The following SLC23A2 variants were observed in gnomAD, a reference collection of about 807,000 sequenced individuals.
The protein encoded by SLC23A2 is solute carrier family 23 member 2.
A neutral mutation model predicts 73.3 loss-of-function variants in SLC23A2; 36 were observed. The ratio of observed to expected loss-of-function variants is 0.49; its 90% CI spans 0.38 to 0.65. SLC23A2 has a LOEUF of 0.65. SLC23A2 is among the 30% of genes least tolerant of loss of function. The pLI, the probability that SLC23A2 is intolerant of heterozygous loss-of-function variation, is 0.00. For synonymous variants in SLC23A2, 343 were observed against 327.3 expected, an observed-to-expected ratio of 1.05 and a Z score of -0.52; for missense variants, 507 against 841.6, an observed-to-expected ratio of 0.60 and a Z score of 4.92.
intron 2 of SLC23A2, among the ~76,000 whole-genome samples, chr20:4,937,269 G>A (rs2086974609): frequency 1.3e-5 from 2 of 152,166 alleles, no homozygotes; most frequent in Admixed American, 1.3e-4. Context: ...ATTAAAACAA[G>A]AAGCAAAATC....
intron 4 of SLC23A2, among the ~76,000 whole-genome samples, chr20:4,912,019 T>C (rs1229422139): frequency 1.3e-5 from 2 of 151,098 alleles, no homozygotes; most frequent in Non-Finnish European, 3.0e-5. Context: ...TCTTTTTTTT[T>C]TTTTTTGTAG....
At chr20:4,946,126 T>G (rs2087115886) in intron 2 of SLC23A2, among the ~76,000 whole-genome samples, 1 of 152,206 alleles carries the variant, frequency 6.6e-6, no homozygotes, top group East Asian at 1.9e-4. Context: ...GTTTGTGGAC[T>G]TAATTCTTTT....
At chr20:4,938,774 C>G (rs1481358770) in intron 2 of SLC23A2, among the ~76,000 whole-genome samples, 1 of 152,192 alleles carries the variant, frequency 6.6e-6, no homozygotes, top group Non-Finnish European at 1.5e-5. Context: ...CCTATCCAGG[C>G]CCCCTTTCCC....
intron 6 of SLC23A2, among the ~76,000 whole-genome samples, chr20:4,895,450 T>C (rs909418543): frequency 1.3e-5 from 2 of 152,274 alleles, no homozygotes; most frequent in Admixed American, 1.3e-4. Context: ...CTAGCAGAAC[T>C]AAAAGTCTAA....
intron 1 of SLC23A2, among the ~76,000 whole-genome samples, chr20:4,994,364 T>G (rs551177765): frequency 6.6e-6 from 1 of 151,990 alleles, no homozygotes; most frequent in Non-Finnish European, 1.5e-5. Context: ...AAGGAAGGTG[T>G]TGTAGTTAGC....
intron 1 of SLC23A2, among the ~76,000 whole-genome samples, chr20:4,995,780 A>G (rs1038077107): frequency 5.3e-5 from 8 of 152,160 alleles, no homozygotes; most frequent in African/African-American, 1.4e-4. Context: ...GCCACACCTC[A>G]GCATCCTCAG....
At chr20:5,009,790 T>C (rs1469084991) in intron 1 of SLC23A2, among the ~76,000 whole-genome samples, 1 of 152,028 alleles carries the variant, frequency 6.6e-6, no homozygotes, top group Non-Finnish European at 1.5e-5. Flanking sequence ...ACAGGATATA[T>C]AGAGGGATAT....
chr20:4,891,754 A>C (rs977268905), intron 6 of SLC23A2, among the ~76,000 whole-genome samples: 6 of 152,194 alleles, frequency 3.9e-5, no homozygotes, highest in Non-Finnish European at 8.8e-5. Context: ...ATGCTCGCTA[A>C]CAATCTTTCT....
At chr20:4,942,374 C>CAAAAAAAAAAAAAA (rs1216270773) in intron 2 of SLC23A2, among the ~76,000 whole-genome samples, 2 of 47,380 alleles carry the variant, frequency 4.2e-5, no homozygotes, top group African/African-American at 6.8e-5. Flanking sequence ...GCTACAGTCT[C>CAAAAAAAAAAAAAA]AAAAAAAAAA....
At chr20:4,878,019 C>T (rs1271225156) in intron 9 of SLC23A2, among the ~76,000 whole-genome samples, 1 of 152,096 alleles carries the variant, frequency 6.6e-6, no homozygotes, top group East Asian at 1.9e-4. Flanking sequence ...GAGGATAAAC[C>T]TTTTTCACAC....
rs1055932276 is a variant in SLC23A2, at chr20:4,857,563, G to A, written c.1721-359C>T. ...CTCAGGCCATGTTATTGCTTTCCTG[G>A]TTCATTCTATCGGTCTCCCATCTGG... On this transcript the variant is annotated intron_variant, in intron 16 of 16. Transcript: ENST00000338244. This position sits in a 1 kb window ranked among gnomAD's most constrained non-coding sequence, Gnocchi z 4.0. Among the ~76,000 whole-genome samples, 1 of 152,032 alleles carries A rather than the reference G, an allele frequency of 6.6e-6. No homozygotes were observed. The highest frequency in any genetic ancestry group is 2.4e-5 in the African/African-American group (1 of 41,374).
intron 2 of SLC23A2, among the ~76,000 whole-genome samples, chr20:4,963,497 T>G (rs1021536613): frequency 6.6e-6 from 1 of 151,838 alleles, no homozygotes; most frequent in African/African-American, 2.4e-5. Context: ...AATATGATTC[T>G]CTGTGTTGCC....
At position 4,872,823 on chromosome 20, in the gene SLC23A2, C is replaced by T. The variant is rs1386453585; in HGVS notation, c.1102+1113G>A. Among the ~76,000 whole-genome samples, 2 of 152,030 alleles carry T rather than the reference C, an allele frequency of 1.3e-5. No individual in the cohort carries two copies. The highest frequency in any genetic ancestry group is 4.8e-5 in the African/African-American group (2 of 41,386). On this transcript the variant is annotated intron_variant, in intron 11 of 16. Transcript: ENST00000338244. This position sits in a 1 kb window ranked among gnomAD's most constrained non-coding sequence, Gnocchi z 4.4. ...AGGCTGAAGTGCAGTGGCGCAATCT[C>T]GACTCACTGCAACCTCCGCCTCCCA... is the stretch of plus-strand genomic sequence containing the variant.
intron 6 of SLC23A2, among the ~76,000 whole-genome samples, chr20:4,895,426 A>C (rs1293681394): frequency 6.6e-6 from 1 of 152,252 alleles, no homozygotes; most frequent in Admixed American, 6.5e-5. Flanking sequence ...CCTATGATGG[A>C]TCTATCTAAG....
intron 6 of SLC23A2, among the ~76,000 whole-genome samples, chr20:4,893,841 G>C (rs1931421878): frequency 6.6e-6 from 1 of 152,188 alleles, no homozygotes. Flanking sequence ...ATGCTTCTAA[G>C]AGGGGCCTGG....
chr20:4,883,976 G>A lies in SLC23A2; in HGVS notation c.643-153C>T, dbSNP rs963041338. On this transcript the variant is annotated intron_variant, in intron 8 of 16. Transcript: ENST00000338244. This position sits in a 1 kb window ranked among gnomAD's most constrained non-coding sequence, Gnocchi z 4.5. Reference sequence around the variant, plus strand: ...ATAGCTAGAAAATTCCCCAGGACCCGACAAGAAACTTCAGGGGGCACTAAC... The same window carrying A: ...ATAGCTAGAAAATTCCCCAGGACCCAACAAGAAACTTCAGGGGGCACTAAC... Among the ~76,000 whole-genome samples, 1 of 152,146 alleles carries A rather than the reference G, an allele frequency of 6.6e-6. No individual in the cohort carries two copies. The highest frequency in any genetic ancestry group is 6.5e-5 in the Admixed American group (1 of 15,278).
At chr20:4,904,512 C>CT (rs757279096) in intron 4 of SLC23A2, among the ~76,000 whole-genome samples, 43 of 152,018 alleles carry the variant, frequency 2.8e-4, no homozygotes, top group Non-Finnish European at 4.1e-4. Context: ...GCTGAATTCT[C>CT]TGAGTCTTTC....
chr20:4,914,594 C>T (rs967021481), intron 3 of SLC23A2, among the ~76,000 whole-genome samples: 1 of 151,996 alleles, frequency 6.6e-6, no homozygotes, highest in African/African-American at 2.4e-5. Flanking sequence ...GAAGCTTATC[C>T]TCTAGAAATA....
chr20:4,902,327 G>A lies in SLC23A2; in HGVS notation c.324+115C>T. On this transcript the variant is annotated intron_variant, in intron 5 of 16. Transcript: ENST00000338244. This position sits in a 1 kb window ranked among gnomAD's most constrained non-coding sequence, Gnocchi z 4.0. ...CCCCTACTCATCACTCTTAAAAGAG[G>A]AATTTATAAAAGTCTTCAATAAACA... 1 of 644,744 alleles carries A rather than the reference G, an allele frequency of 1.6e-6. No homozygotes were observed. The highest frequency in any genetic ancestry group is 2.7e-6 in the Non-Finnish European group (1 of 364,512). The allele number at this position is 644,744 out of a possible 1,614,324, so 39.9% of individuals were successfully genotyped here. A position where few individuals can be genotyped will look rare whatever the true frequency, so the allele number is the denominator to read the frequency against.
Sources: gnomAD v4.1 joint callset for allele counts (sites outside exome capture counted in the v4.1 genomes callset) on GRCh38, gnomAD v4.1.1 for gene constraint, Gnocchi (gnomAD v3.1) non-coding constraint, MANE v1.5 for transcripts, NCBI Gene and HGNC (gene_info 2026-07-23, HGNC 2026-07-21) for gene names.